The following CDK14 variants were observed in gnomAD, a reference collection of about 807,000 sequenced individuals.
The protein encoded by CDK14 is cyclin-dependent kinase 14.
Under a neutral mutation model 60.7 loss-of-function variants are expected in CDK14, and 34 were observed. That is an observed-to-expected ratio of 0.56 (90% CI 0.43 to 0.75). CDK14 has a LOEUF of 0.75. Ranked by LOEUF, CDK14 falls within the 30% of genes least tolerant of loss-of-function variation. The pLI is 0.00. For synonymous variants in CDK14, 197 were observed against 203.7 expected (o/e 0.97, Z 0.28); for missense variants, 482 against 564.1 (o/e 0.85, Z 1.47).
At chr7:90,789,284 ATGT>A (rs945971413) in intron 4 of CDK14, among the ~76,000 whole-genome samples, 4 of 152,166 alleles carry the variant, frequency 2.6e-5, no homozygotes, top group African/African-American at 4.8e-5. Flanking sequence ...TCACCAAAAT[ATGT>A]TGTTAAGTGT....
At chr7:90,977,119 G>A (rs1795095848) in intron 9 of CDK14, among the ~76,000 whole-genome samples, 1 of 152,126 alleles carries the variant, frequency 6.6e-6, no homozygotes. Context: ...CTAAGGTGAA[G>A]CGTGGGAATC....
At chr7:91,026,152 A>G (rs924728339) in intron 10 of CDK14, among the ~76,000 whole-genome samples, 5 of 152,120 alleles carry the variant, frequency 3.3e-5, no homozygotes, top group Non-Finnish European at 5.9e-5. Flanking sequence ...TCAGCAGAAT[A>G]GAGGCATAGT....
At chr7:91,032,164 T>C (rs1796780508) in intron 10 of CDK14, among the ~76,000 whole-genome samples, 1 of 152,168 alleles carries the variant, frequency 6.6e-6, no homozygotes, top group African/African-American at 2.4e-5. Flanking sequence ...TCCTATTTCG[T>C]TGGGTTGATG....
At chr7:90,901,513 C>T (rs1392211220) in intron 7 of CDK14, among the ~76,000 whole-genome samples, 2 of 151,964 alleles carry the variant, frequency 1.3e-5, no homozygotes, top group African/African-American at 4.8e-5. Context: ...TATGGGGATT[C>T]CTTTCCTCAC....
chr7:91,091,501 T>TTATATATATATATATATA lies in CDK14; in HGVS notation c.1154+12037_1154+12038insTATATATATATATATATA, dbSNP rs56670195. Among the ~76,000 whole-genome samples, 825 of 88,952 alleles carry TTATATATATATATATATA rather than the reference T, an allele frequency of 9.3e-3. 82 individuals are homozygous for TTATATATATATATATATA. The highest frequency in any genetic ancestry group is 0.032 in the African/African-American group (728 of 22,996). 58.4% of individuals were successfully genotyped at this position (88,952 alleles called of 152,430 possible). A position where few individuals can be genotyped will look rare whatever the true frequency, so the allele number is the denominator to read the frequency against. ...TATATGTATATGTAGTTTATATATTTTATATATATATATATAAATTAGCCA... is the reference window on the plus strand; with the variant it reads ...TATATGTATATGTAGTTTATATATTTTATATATATATATATATATATATATATATATATAAATTAGCCA... On this transcript the variant is annotated intron_variant, in intron 12 of 14. Transcript: ENST00000380050.
At chr7:90,599,492 T>C (rs1799268659) in intron 1 of CDK14, among the ~76,000 whole-genome samples, 1 of 152,184 alleles carries the variant, frequency 6.6e-6, no homozygotes, top group African/African-American at 2.4e-5. Context: ...TCTGTAAATA[T>C]TCATATACGG....
chr7:90,968,963 G>A (rs1794839327), intron 9 of CDK14, among the ~76,000 whole-genome samples: 1 of 152,102 alleles, frequency 6.6e-6, no homozygotes, highest in Non-Finnish European at 1.5e-5. Flanking sequence ...GAAGGACCTG[G>A]TTCCTGCCCT....
At chr7:90,749,020 G>A (rs1803704963) in intron 4 of CDK14, among the ~76,000 whole-genome samples, 1 of 152,184 alleles carries the variant, frequency 6.6e-6, no homozygotes, top group South Asian at 2.1e-4. Context: ...GGATTTTCAG[G>A]AGTGTGGTCT....
intron 2 of CDK14, among the ~76,000 whole-genome samples, chr7:90,661,586 A>G (rs978553552): frequency 3.3e-5 from 5 of 152,124 alleles, no homozygotes; most frequent in African/African-American, 1.2e-4. Context: ...GGTGGCATTA[A>G]CCCAAATTCT....
intron 2 of CDK14, among the ~76,000 whole-genome samples, chr7:90,660,624 A>G (rs924710517): frequency 1.3e-5 from 2 of 152,230 alleles, no homozygotes; most frequent in Non-Finnish European, 1.5e-5. Flanking sequence ...GTGTATTGAT[A>G]TATACATACA....
At chr7:90,621,662 T>TGCC (rs1162635141) in intron 2 of CDK14, among the ~76,000 whole-genome samples, 9,436 of 143,272 alleles carry the variant, frequency 0.066, 232 homozygotes, top group Admixed American at 0.088. Context: ...CCTTCCTTCC[T>TGCC]TCCTTCCTGC....
chr7:90,832,224 T>C (rs555707573), intron 5 of CDK14, among the ~76,000 whole-genome samples: 2 of 152,320 alleles, frequency 1.3e-5, no homozygotes, highest in African/African-American at 2.4e-5. Context: ...AATTTACTGG[T>C]ATAACTCCAG....
chr7:91,094,417 G>A (rs984437074), intron 12 of CDK14, among the ~76,000 whole-genome samples: 3 of 152,108 alleles, frequency 2.0e-5, no homozygotes, highest in Non-Finnish European at 4.4e-5. Context: ...GTAGCGGTGG[G>A]GGAGAAGTGG....
At chr7:91,074,720 T>C (rs1453141656) in intron 11 of CDK14, among the ~76,000 whole-genome samples, 4 of 152,096 alleles carry the variant, frequency 2.6e-5, no homozygotes, top group Admixed American at 6.5e-5. Context: ...GAGCTGGTTT[T>C]TTTGAAAAAA....
At chr7:90,608,152 T>G (rs1193381430) in intron 2 of CDK14, among the ~76,000 whole-genome samples, 1 of 152,200 alleles carries the variant, frequency 6.6e-6, no homozygotes, top group Non-Finnish European at 1.5e-5. Flanking sequence ...TTTCCAAATG[T>G]CTTTTTACCC....
intron 10 of CDK14, among the ~76,000 whole-genome samples, chr7:90,996,970 C>T (rs3808282): frequency 0.023 from 3,502 of 152,260 alleles, 160 homozygotes; most frequent in East Asian, 0.18. Context: ...ACATATGGTG[C>T]TATTAAACTT....
At chr7:91,097,865 C>G (rs753430225) in intron 12 of CDK14, among the ~76,000 whole-genome samples, 8 of 152,076 alleles carry the variant, frequency 5.3e-5, no homozygotes, top group Non-Finnish European at 1.0e-4. Flanking sequence ...TATATCTTCC[C>G]CCAGTATTTA....
chr7:91,026,612 A>C (rs1796576752), intron 10 of CDK14, among the ~76,000 whole-genome samples: 1 of 152,214 alleles, frequency 6.6e-6, no homozygotes, highest in South Asian at 2.1e-4. Context: ...TATAATCTTA[A>C]GGGAAGATCA....
intron 14 of CDK14, among the ~76,000 whole-genome samples, chr7:91,120,023 T>A (rs1799734273): frequency 6.6e-6 from 1 of 152,244 alleles, no homozygotes; most frequent in Non-Finnish European, 1.5e-5. Flanking sequence ...TATGCTTTTT[T>A]AAAGTATTTA....
Sources: gnomAD v4.1 joint callset for allele counts (sites outside exome capture counted in the v4.1 genomes callset) on GRCh38, gnomAD v4.1.1 for gene constraint, MANE v1.5 for transcripts, NCBI Gene and HGNC (gene_info 2026-07-23, HGNC 2026-07-21) for gene names.